TOGARAM2: variants seen among roughly 807,000 people sequenced by gnomAD.
TOGARAM2 encodes TOG array regulator of axonemal microtubules 2.
A neutral mutation model predicts 93.3 loss-of-function variants in TOGARAM2; 85 were observed. That is an observed-to-expected ratio of 0.91 (90% CI 0.76 to 1.09). The LOEUF is 1.09. TOGARAM2 is among the 50% of genes least tolerant of loss of function. The pLI, the probability that TOGARAM2 is intolerant of heterozygous loss-of-function variation, is 0.00. For missense variants in TOGARAM2, 1,277 were observed against 1,334.5 expected (o/e 0.96, Z 0.67); for synonymous variants, 593 against 552.8 (o/e 1.07, Z -1.02).
intron 4 of TOGARAM2, among the ~76,000 whole-genome samples, chr2:29,001,897 A>G (rs928198158): frequency 6.6e-6 from 1 of 151,588 alleles, no homozygotes; most frequent in African/African-American, 2.4e-5. Flanking sequence ...ATTTACAAAG[A>G]TAACCCTGAG....
intron 6 of TOGARAM2, among the ~76,000 whole-genome samples, chr2:29,006,158 CAT>C (rs1663798239): frequency 8.1e-6 from 1 of 124,098 alleles, no homozygotes; most frequent in East Asian, 2.6e-4. Context: ...TGCGTAAGTA[CAT>C]GTGTGAGCAT....
At chr2:28,999,046 C>A in intron 3 of TOGARAM2, 135 bp from the exon 4 acceptor site, 1 of 910,632 alleles carries the variant, frequency 1.1e-6, no homozygotes, top group East Asian at 2.7e-5. Context: ...CCAGGAGTGA[C>A]TGAAACATTA....
chr2:29,002,468 G>A (rs1558417371), intron 4 of TOGARAM2, 68 bp from the exon 5 acceptor site: 1 of 1,433,096 alleles, frequency 7.0e-7, no homozygotes, highest in South Asian at 1.3e-5. Context: ...CGTTGCTGGG[G>A]TCTGAATCCA....
At chr2:29,032,039 C>G (rs1329835286) in intron 14 of TOGARAM2, among the ~76,000 whole-genome samples, 1 of 152,208 alleles carries the variant, frequency 6.6e-6, no homozygotes, top group Non-Finnish European at 1.5e-5. Flanking sequence ...CCATCTTTTT[C>G]CTGGACTATT....
At chr2:28,982,302 G>T (rs888392026) in intron 1 of TOGARAM2, among the ~76,000 whole-genome samples, 1 of 152,178 alleles carries the variant, frequency 6.6e-6, no homozygotes, top group Non-Finnish European at 1.5e-5. Context: ...CAGGACAAGG[G>T]CTGGTGCTGG....
At chr2:28,967,906 C>G (rs1400104934) in intron 1 of TOGARAM2, among the ~76,000 whole-genome samples, 2 of 151,188 alleles carry the variant, frequency 1.3e-5, no homozygotes, top group Admixed American at 6.6e-5. Context: ...GCAACCTCCC[C>G]CTCCTGGGTT....
chr2:29,004,982 ATGTG>A (rs1250549655), intron 6 of TOGARAM2, among the ~76,000 whole-genome samples: 7 of 105,022 alleles, frequency 6.7e-5, no homozygotes, highest in Admixed American at 1.0e-4. Context: ...GCATGTGTGT[ATGTG>A]TGTGAGTGCA....
chr2:28,961,091 CCAGATT>C (rs1671799786), intron 1 of TOGARAM2, among the ~76,000 whole-genome samples: 1 of 151,802 alleles, frequency 6.6e-6, no homozygotes, highest in Non-Finnish European at 1.5e-5. Context: ...CTGAAGAGAA[CCAGATT>C]CAGTTCTAGT....
chr2:29,046,613 C>G (rs906753073), intron 19 of TOGARAM2: 4 of 152,490 alleles, frequency 2.6e-5, no homozygotes, highest in Non-Finnish European at 5.9e-5. Context: ...CACCCCAGCT[C>G]TATGCTCATT....
chr2:29,029,589 T>C (rs1271281578), intron 14 of TOGARAM2, among the ~76,000 whole-genome samples: 5 of 151,102 alleles, frequency 3.3e-5, no homozygotes, highest in African/African-American at 1.2e-4. Flanking sequence ...ACCCCGTCTC[T>C]ACTAAAAATA....
intron 14 of TOGARAM2, among the ~76,000 whole-genome samples, chr2:29,030,817 C>A (rs999231583): frequency 2.6e-5 from 4 of 152,162 alleles, no homozygotes; most frequent in Admixed American, 6.5e-5. Context: ...CAATTCTTGC[C>A]CTCCACTCCA....
chr2:29,025,560 C>G (rs1441074177), intron 13 of TOGARAM2, among the ~76,000 whole-genome samples: 1 of 152,178 alleles, frequency 6.6e-6, no homozygotes, highest in African/African-American at 2.4e-5. Flanking sequence ...GCTTGTGCAT[C>G]TGAGTCCGCT....
intron 1 of TOGARAM2, among the ~76,000 whole-genome samples, chr2:28,969,245 G>A (rs1340605480): frequency 3.3e-5 from 5 of 152,210 alleles, no homozygotes; most frequent in Admixed American, 3.3e-4. Context: ...TTGCCATGGA[G>A]GTTTTCAGTT....
chr2:29,042,663 G>A (rs1487110310), intron 18 of TOGARAM2, among the ~76,000 whole-genome samples: 2 of 152,166 alleles, frequency 1.3e-5, no homozygotes, highest in South Asian at 2.1e-4. Flanking sequence ...ACACACAGCT[G>A]CGCCGGCTCT....
At chr2:28,972,833 G>A (rs186821452) in intron 1 of TOGARAM2, among the ~76,000 whole-genome samples, 1 of 152,322 alleles carries the variant, frequency 6.6e-6, no homozygotes, top group African/African-American at 2.4e-5. Flanking sequence ...GGTGGAAAGA[G>A]CCTGCTTCCT....
intron 1 of TOGARAM2, among the ~76,000 whole-genome samples, chr2:28,976,211 A>G (rs1672029406): frequency 6.6e-6 from 1 of 152,222 alleles, no homozygotes; most frequent in African/African-American, 2.4e-5. Context: ...TCTACTAAAA[A>G]TACAAAATAA....
At chr2:29,028,011 G>A (rs1665517794) in intron 14 of TOGARAM2, among the ~76,000 whole-genome samples, 1 of 152,202 alleles carries the variant, frequency 6.6e-6, no homozygotes. Flanking sequence ...TCATTGGAGT[G>A]TTTTCTTAGT....
chr2:29,017,498 T>C (rs1234423195), intron 9 of TOGARAM2, among the ~76,000 whole-genome samples, 194 bp downstream of exon 9: 1 of 152,182 alleles, frequency 6.6e-6, no homozygotes, highest in Non-Finnish European at 1.5e-5. Context: ...CCTCAAACTC[T>C]TGGGCTCAAG....
At chr2:29,017,516 C>G (rs1227317518) in intron 9 of TOGARAM2, among the ~76,000 whole-genome samples, 5 of 152,188 alleles carry the variant, frequency 3.3e-5, no homozygotes, top group African/African-American at 4.8e-5. Flanking sequence ...AAGGGATCCT[C>G]CCACCTCAGC....
Sources: allele counts gnomAD v4.1 joint callset (sites outside exome capture counted in the v4.1 genomes callset), GRCh38; gene constraint gnomAD v4.1.1; transcripts MANE v1.5; gene names NCBI Gene and HGNC (gene_info 2026-07-23, HGNC 2026-07-21).